KCTD1: variants seen among roughly 807,000 people sequenced by gnomAD.
KCTD1 encodes the protein BTB/POZ domain-containing protein KCTD1.
In KCTD1, 24 loss-of-function variants were observed where a neutral mutation model predicts 66.0. The observed-to-expected ratio is 0.36, with a 90% CI of 0.26 to 0.51. The LOEUF (loss-of-function observed/expected upper bound fraction) is 0.51. Among genes scored for constraint, KCTD1 ranks in the 20% least tolerant of loss-of-function variants. KCTD1 has a pLI of 0.95. For missense variants in KCTD1, 943 were observed against 1,205.2 expected (o/e 0.78, Z 3.22); for synonymous variants, 511 against 517.2 (o/e 0.99, Z 0.16).
intron 1 of KCTD1, among the ~76,000 whole-genome samples, chr18:26,511,642 G>A (rs1278121564): frequency 6.6e-6 from 1 of 152,174 alleles, no homozygotes; most frequent in African/African-American, 2.4e-5. Flanking sequence ...AGTTGACTCT[G>A]AGGTCAAGTG....
chr18:26,591,115 T>C (rs1598955785), intron 1 of KCTD1, among the ~76,000 whole-genome samples: 1 of 152,166 alleles, frequency 6.6e-6, no homozygotes. Flanking sequence ...TAGCTTGAAC[T>C]CCTGGCCTCA....
At chr18:26,611,027 C>A (rs77246108) in intron 1 of KCTD1, among the ~76,000 whole-genome samples, 4,503 of 152,176 alleles carry the variant, frequency 0.03, 110 homozygotes, top group Middle Eastern at 0.065. Context: ...GTCATTATTT[C>A]TTCAAATATT....
At chr18:26,555,264 A>G (rs1226928726) in intron 1 of KCTD1, among the ~76,000 whole-genome samples, 1 of 152,198 alleles carries the variant, frequency 6.6e-6, no homozygotes, top group African/African-American at 2.4e-5. Context: ...TTTCTACCCA[A>G]ATGTTGGTAC....
intron 1 of KCTD1, among the ~76,000 whole-genome samples, chr18:26,534,199 T>TA (rs1984582695): frequency 6.6e-6 from 1 of 152,164 alleles, no homozygotes; most frequent in Non-Finnish European, 1.5e-5. Context: ...AAAATCTACT[T>TA]AGAGTTTGTT....
intron 1 of KCTD1, among the ~76,000 whole-genome samples, chr18:26,559,666 C>G (rs10454719): frequency 0.66 from 99,826 of 152,080 alleles, 33,432 homozygotes; most frequent in African/African-American, 0.8. Flanking sequence ...CAGGAGGACT[C>G]GGGGGTTCAG....
chr18:26,502,073 G>C (rs1172085755), intron 1 of KCTD1, among the ~76,000 whole-genome samples: 1 of 152,186 alleles, frequency 6.6e-6, no homozygotes, highest in Non-Finnish European at 1.5e-5. Context: ...TTTTTGAGAT[G>C]GAGTCTCGCT....
chr18:26,594,579 A>G (rs2144955803), intron 1 of KCTD1, among the ~76,000 whole-genome samples: 1 of 152,326 alleles, frequency 6.6e-6, no homozygotes, highest in Admixed American at 6.5e-5. Flanking sequence ...ATGCGTTGCA[A>G]TCAGAGAGTA....
chr18:26,513,339 G>T (rs536521902), intron 1 of KCTD1, among the ~76,000 whole-genome samples: 1 of 151,354 alleles, frequency 6.6e-6, no homozygotes, highest in Non-Finnish European at 1.5e-5. Context: ...TGCCCACTTC[G>T]GCCTCCCAAA....
chr18:26,512,855 C>T (rs922303781), intron 1 of KCTD1, among the ~76,000 whole-genome samples: 1 of 152,010 alleles, frequency 6.6e-6, no homozygotes, highest in Non-Finnish European at 1.5e-5. Context: ...GTGGTGCATG[C>T]CTGTAGTCCC....
intron 3 of KCTD1, among the ~76,000 whole-genome samples, chr18:26,469,170 G>GTT (rs11336950): frequency 6.8e-6 from 1 of 146,214 alleles, no homozygotes; most frequent in East Asian, 2.0e-4. Flanking sequence ...ACATGCTTTT[G>GTT]TTTTTTTTTT....
rs1394278500 is a variant in KCTD1 at position 26,532,261 on chromosome 18, C to CTTTCTTTTTTTTTTTT, written c.1809+14466_1809+14467insAAAAAAAAAAAAGAAA. Among the ~76,000 whole-genome samples the CTTTCTTTTTTTTTTTT allele has an allele frequency of 1.4e-4, 4 of 29,556 alleles. 1 individual carries two copies. Among genetic ancestry groups the CTTTCTTTTTTTTTTTT allele is most frequent in the African/African-American group, 2.6e-4 (4 of 15,372 alleles). 19.4% of individuals were successfully genotyped at this position (29,556 alleles called of 152,430 possible). ...CTTTTTCTTTTTCTTTTCTTTCCTT[C>CTTTCTTTTTTTTTTTT]TTTTTTTTTTTTTTTTTTTTTTTTT... On this transcript the variant is annotated intron_variant, in intron 1 of 4. Coordinates refer to ENST00000580059, the MANE Select transcript of KCTD1 (RefSeq NM_001142730.3).
At chr18:26,488,884 C>T (rs1168947390) in intron 2 of KCTD1, among the ~76,000 whole-genome samples, 1 of 152,208 alleles carries the variant, frequency 6.6e-6, no homozygotes, top group Non-Finnish European at 1.5e-5. Context: ...TAGATTCAGA[C>T]AGTCGGGCAA....
intron 1 of KCTD1, among the ~76,000 whole-genome samples, chr18:26,592,926 A>G (rs1258183073): frequency 2.6e-5 from 4 of 152,178 alleles, no homozygotes; most frequent in African/African-American, 9.7e-5. Flanking sequence ...AGTATTTTGC[A>G]GGATTGTAAG....
intron 1 of KCTD1, among the ~76,000 whole-genome samples, chr18:26,639,842 A>C (rs192316077): frequency 9.2e-5 from 14 of 152,288 alleles, no homozygotes; most frequent in African/African-American, 3.1e-4. Context: ...GGGCTCCAGC[A>C]CCTGTATTCC....
intron 1 of KCTD1, among the ~76,000 whole-genome samples, chr18:26,515,371 A>C (rs1983600374): frequency 6.6e-6 from 1 of 152,236 alleles, no homozygotes; most frequent in African/African-American, 2.4e-5. Flanking sequence ...GCTCAAGTTC[A>C]AACAACCTAG....
At position 26,485,761 on chromosome 18, in the gene KCTD1, T is replaced by C. The variant is rs528621350; in HGVS notation, c.1989-9102A>G. ...GCCCACCCTCCTCTCAACACTGTTC[T>C]ATATTTGGAGGTATTTCTGATACAC... On this transcript the variant is annotated intron_variant, in intron 2 of 4. Coordinates refer to ENST00000580059, the MANE Select transcript of KCTD1 (RefSeq NM_001142730.3). 4.6e-5 allele frequency among the ~76,000 whole-genome samples: 7 copies of C among 152,232 alleles called. No homozygotes were observed. In the South Asian group the frequency reaches 1.5e-3, roughly 32 times the overall value.
chr18:26,607,579 C>T (rs185333213), intron 1 of KCTD1, among the ~76,000 whole-genome samples: 3 of 152,278 alleles, frequency 2.0e-5, no homozygotes, highest in Admixed American at 2.0e-4. Context: ...CTAGGTCTTT[C>T]CTTCCATAAT....
Position 26,620,432 on chromosome 18 carries a change from A to ATTT in KCTD1, c.-16+8712_-16+8714dup, listed in dbSNP as rs76367093. Among the ~76,000 whole-genome samples the ATTT allele has an allele frequency of 4.3e-3, 322 of 74,368 alleles. 17 individuals are homozygous for ATTT. Among genetic ancestry groups the ATTT allele is most frequent in the African/African-American group, 0.016 (287 of 18,110 alleles). 48.8% of individuals were successfully genotyped at this position (74,368 alleles called of 152,430 possible). On this transcript the variant is annotated intron_variant, in intron 1 of 4. Coordinates refer to the KCTD1 transcript ENST00000317932. ...CTTTTATGACAGCAATCAAAATTGC[A>ATTT]TTTTTTTTTTTTTTTTTTTTTTGAG...
At chr18:26,540,456 G>A (rs1393814415) in intron 1 of KCTD1, among the ~76,000 whole-genome samples, 1 of 152,134 alleles carries the variant, frequency 6.6e-6, no homozygotes, top group Non-Finnish European at 1.5e-5. Context: ...TTTGAACTGT[G>A]CGGGTTCACT....
Sources: allele counts gnomAD v4.1 joint callset (sites outside exome capture counted in the v4.1 genomes callset), GRCh38; gene constraint gnomAD v4.1.1; transcripts MANE v1.5; gene names NCBI Gene and HGNC (gene_info 2026-07-23, HGNC 2026-07-21).